The following LRRTM4 variants were observed in gnomAD, a reference collection of about 807,000 sequenced individuals.
LRRTM4 encodes the protein leucine rich repeat transmembrane neuronal 4.
LRRTM4 carries 25 observed loss-of-function variants against 47.6 expected under a neutral mutation model. That is an observed-to-expected ratio of 0.53 (90% CI 0.38 to 0.73). LRRTM4 has a LOEUF of 0.73. Ranked by LOEUF, LRRTM4 falls within the 30% of genes least tolerant of loss-of-function variation. The pLI is 0.00. For missense variants in LRRTM4, 638 were observed against 713.4 expected (o/e 0.89, Z 1.20); for synonymous variants, 311 against 269.5 (o/e 1.15, Z -1.51).
At chr2:77,050,623 T>C (rs573005590) in intron 3 of LRRTM4, among the ~76,000 whole-genome samples, 1 of 152,288 alleles carries the variant, frequency 6.6e-6, no homozygotes, top group African/African-American at 2.4e-5. Flanking sequence ...CAGTAACTCC[T>C]TGGAACTCTT....
chr2:76,963,452 A>G (rs2103918681), intron 3 of LRRTM4, among the ~76,000 whole-genome samples: 1 of 151,094 alleles, frequency 6.6e-6, no homozygotes, highest in Non-Finnish European at 1.5e-5. Flanking sequence ...AAACCACATG[A>G]TCAGGCAATA....
At chr2:77,356,087 C>G (rs1016621396) in intron 3 of LRRTM4, among the ~76,000 whole-genome samples, 4 of 152,150 alleles carry the variant, frequency 2.6e-5, no homozygotes, top group Non-Finnish European at 5.9e-5. Context: ...AAGCGAGACC[C>G]TGTCTCAAAA....
chr2:77,394,238 G>C (rs531749684), intron 3 of LRRTM4, among the ~76,000 whole-genome samples: 96 of 152,028 alleles, frequency 6.3e-4, no homozygotes, highest in Non-Finnish European at 9.9e-4. Flanking sequence ...TACTTATTCT[G>C]TTGTAATGTC....
At chr2:77,108,630 C>A (rs1231409003) in intron 3 of LRRTM4, among the ~76,000 whole-genome samples, 1 of 147,528 alleles carries the variant, frequency 6.8e-6, no homozygotes, top group Non-Finnish European at 1.5e-5. Context: ...GTCGCCCAGG[C>A]TGGAGTGCAG....
At chr2:77,420,715 G>T (rs991478279) in intron 3 of LRRTM4, among the ~76,000 whole-genome samples, 1 of 147,288 alleles carries the variant, frequency 6.8e-6, no homozygotes, top group African/African-American at 2.5e-5. Context: ...ATAATTCAGA[G>T]AATATAATCT....
At chr2:76,905,125 A>T (rs966627438) in intron 3 of LRRTM4, among the ~76,000 whole-genome samples, 1 of 152,142 alleles carries the variant, frequency 6.6e-6, no homozygotes, top group East Asian at 1.9e-4. Context: ...GACACCTCAC[A>T]TGGCCGGGTA....
intron 3 of LRRTM4, among the ~76,000 whole-genome samples, chr2:76,868,497 T>A (rs1318553823): frequency 6.6e-6 from 1 of 152,176 alleles, no homozygotes; most frequent in African/African-American, 2.4e-5. Context: ...TCCCCTTGAA[T>A]ACACATGTTA....
chr2:76,771,655 AAAG>A (rs1226879802), intron 3 of LRRTM4, among the ~76,000 whole-genome samples: 9,486 of 85,168 alleles, frequency 0.11, 830 homozygotes, highest in African/African-American at 0.32. Flanking sequence ...AAAAAAAAAA[AAAG>A]AAAAAGAAAA....
intron 3 of LRRTM4, among the ~76,000 whole-genome samples, chr2:77,141,638 A>G (rs971584952): frequency 6.6e-6 from 1 of 152,186 alleles, no homozygotes; most frequent in Non-Finnish European, 1.5e-5. Flanking sequence ...GTTTAACTCT[A>G]TCATTCCAAA....
intron 3 of LRRTM4, among the ~76,000 whole-genome samples, chr2:76,811,120 C>T (rs570705200): frequency 1.3e-5 from 2 of 152,244 alleles, no homozygotes; most frequent in Admixed American, 1.3e-4. Context: ...TCCTCCTTAC[C>T]TTTTACCAGC....
chr2:77,307,053 C>T (rs371970778), intron 3 of LRRTM4, among the ~76,000 whole-genome samples: 1 of 151,662 alleles, frequency 6.6e-6, no homozygotes, highest in Non-Finnish European at 1.5e-5. Flanking sequence ...GCGCCCACCA[C>T]CACGCCCGGC....
chr2:76,798,971 C>A (rs934753701), intron 3 of LRRTM4, among the ~76,000 whole-genome samples: 7 of 150,898 alleles, frequency 4.6e-5, no homozygotes, highest in African/African-American at 7.3e-5. Flanking sequence ...AGCTTACCAA[C>A]CAAAAAGAGT....
chr2:77,292,452 G>A (rs1676852413), intron 3 of LRRTM4, among the ~76,000 whole-genome samples: 1 of 151,912 alleles, frequency 6.6e-6, no homozygotes, highest in Non-Finnish European at 1.5e-5. Flanking sequence ...CAACCCAAAT[G>A]TCCAACAATG....
At chr2:77,405,692 A>G (rs1161152742) in intron 3 of LRRTM4, among the ~76,000 whole-genome samples, 1 of 152,186 alleles carries the variant, frequency 6.6e-6, no homozygotes, top group Non-Finnish European at 1.5e-5. Flanking sequence ...GACGACAGCT[A>G]TAATTGATAA....
chr2:76,774,504 T>C (rs1005046997), intron 3 of LRRTM4, among the ~76,000 whole-genome samples: 26 of 152,106 alleles, frequency 1.7e-4, no homozygotes, highest in Admixed American at 4.6e-4. Context: ...AAAGAGAACA[T>C]TATTAAGAAA....
At chr2:76,909,901 C>A (rs1339721973) in intron 3 of LRRTM4, among the ~76,000 whole-genome samples, 3 of 152,310 alleles carry the variant, frequency 2.0e-5, no homozygotes, top group Middle Eastern at 3.4e-3. Flanking sequence ...GTTGGTGGGA[C>A]TGTCAACTAG....
chr2:77,118,446 G>A (rs541505973), intron 3 of LRRTM4, among the ~76,000 whole-genome samples: 3 of 151,998 alleles, frequency 2.0e-5, no homozygotes, highest in South Asian at 4.1e-4. Flanking sequence ...TTTAAGAGTT[G>A]ACGGGGACAC....
chr2:77,111,416 C>T (rs1045799554), intron 3 of LRRTM4, among the ~76,000 whole-genome samples: 10 of 151,840 alleles, frequency 6.6e-5, no homozygotes, highest in Non-Finnish European at 1.3e-4. Context: ...TATGAGCCAC[C>T]GCGCCTGGCC....
chr2:77,226,538 C>CATATATATATATATAT (rs60188707), intron 3 of LRRTM4, among the ~76,000 whole-genome samples: 6 of 144,070 alleles, frequency 4.2e-5, no homozygotes, highest in South Asian at 4.3e-4. Flanking sequence ...AAATTATATA[C>CATATATATATATATAT]ATATATATAT....
Sources: gnomAD v4.1 joint callset for allele counts (sites outside exome capture counted in the v4.1 genomes callset) on GRCh38, gnomAD v4.1.1 for gene constraint, MANE v1.5 for transcripts, NCBI Gene and HGNC (gene_info 2026-07-23, HGNC 2026-07-21) for gene names.